Variants in LEKR1 observed in about 807,000 individuals in gnomAD.
LEKR1 encodes the protein protein LEKR1.
Under a neutral mutation model 72.4 loss-of-function variants are expected in LEKR1, and 59 were observed. The observed-to-expected ratio is 0.82, with a 90% CI of 0.66 to 1.01. The LOEUF is 1.01. Ranked by LOEUF, LEKR1 falls within the 50% of genes least tolerant of loss-of-function variation. The pLI, the probability that LEKR1 is intolerant of heterozygous loss-of-function variation, is 0.00. For missense variants in LEKR1, 728 were observed against 759.2 expected, an observed-to-expected ratio of 0.96 and a Z score of 0.48; for synonymous variants, 257 against 263.2, an observed-to-expected ratio of 0.98 and a Z score of 0.23.
At chr3:156,946,006 T>C (rs1043123174) in intron 6 of LEKR1, among the ~76,000 whole-genome samples, 8 of 151,818 alleles carry the variant, frequency 5.3e-5, no homozygotes, top group Non-Finnish European at 1.0e-4. Flanking sequence ...GGTATTTTGA[T>C]AGTGATTGCA....
chr3:157,025,001 C>G, intron 11 of LEKR1, 77 bp downstream of exon 11: 1 of 953,200 alleles, frequency 1.0e-6, no homozygotes, highest in South Asian at 1.7e-5. Context: ...TAGAACACTA[C>G]AGTATTTATA....
At chr3:156,873,804 C>G (rs1718244249) in intron 3 of LEKR1, among the ~76,000 whole-genome samples, 1 of 151,786 alleles carries the variant, frequency 6.6e-6, no homozygotes, top group African/African-American at 2.4e-5. Context: ...TTTTTTCTTT[C>G]AGTACTTTTA....
chr3:156,972,127 A>G (rs551258180), intron 6 of LEKR1, among the ~76,000 whole-genome samples: 16 of 152,258 alleles, frequency 1.1e-4, no homozygotes, highest in East Asian at 7.7e-4. Context: ...TTAAGAAAAT[A>G]TGGCACATAT....
chr3:156,967,957 G>A (rs1210776363), intron 6 of LEKR1, among the ~76,000 whole-genome samples: 1 of 152,174 alleles, frequency 6.6e-6, no homozygotes, highest in Non-Finnish European at 1.5e-5. Context: ...CAGAAGAGAG[G>A]CGGGGCCAAT....
intron 3 of LEKR1, among the ~76,000 whole-genome samples, chr3:156,898,681 C>T (rs1432054266): frequency 1.3e-5 from 2 of 152,110 alleles, no homozygotes; most frequent in East Asian, 1.9e-4. Context: ...AAACCCAAAA[C>T]TATTATTTCC....
chr3:156,999,789 G>T (rs1287701583), intron 9 of LEKR1, among the ~76,000 whole-genome samples: 1 of 152,156 alleles, frequency 6.6e-6, no homozygotes, highest in Non-Finnish European at 1.5e-5. Context: ...CAGAGCTGTG[G>T]CCTGCCACAC....
At chr3:156,886,998 A>G (rs1720170054) in intron 3 of LEKR1, among the ~76,000 whole-genome samples, 1 of 152,176 alleles carries the variant, frequency 6.6e-6, no homozygotes, top group South Asian at 2.1e-4. Flanking sequence ...TGTGGGAGCT[A>G]CACATTAGCT....
chr3:156,910,639 C>G (rs540019293), intron 3 of LEKR1, among the ~76,000 whole-genome samples: 23 of 152,306 alleles, frequency 1.5e-4, no homozygotes, highest in African/African-American at 5.3e-4. Flanking sequence ...TGGACTCCAG[C>G]TGCATCCATG....
chr3:157,028,707 T>C (rs1244256132), intron 12 of LEKR1, among the ~76,000 whole-genome samples: 1 of 152,240 alleles, frequency 6.6e-6, no homozygotes, highest in Non-Finnish European at 1.5e-5. Context: ...GGAATCTTTA[T>C]ATGTTTATGT....
At position 156,907,409 on chromosome 3, in the gene LEKR1, A is replaced by C. The variant is rs920696805; in HGVS notation, c.264-13166A>C. 3.9e-5 allele frequency among the ~76,000 whole-genome samples: 6 copies of C among 152,054 alleles called. 1 individual carries two copies. The highest frequency in any genetic ancestry group is 3.3e-4 in the Admixed American group (5 of 15,256). On this transcript the variant is annotated intron_variant, in intron 3 of 12. Transcript: ENST00000356539. ...ATGCTAGGACATACAAGTCTACTTTATTATATTTTTATTTTTTGTATACTA... is the reference window on the plus strand; with the variant it reads ...ATGCTAGGACATACAAGTCTACTTTCTTATATTTTTATTTTTTGTATACTA...
In LEKR1 at chr3:157,011,515, A is replaced by G; in HGVS notation, c.1203+9A>G. 1 of 1,592,464 alleles carries G rather than the reference A, an allele frequency of 6.3e-7. No homozygotes were observed. Among genetic ancestry groups the G allele is most frequent in the Non-Finnish European group, 8.6e-7 (1 of 1,160,518 alleles). On this transcript the variant is annotated intron_variant, in intron 10 of 12. Transcript: ENST00000356539. ...ATAACTGGAAGGAGAAGGTAATGGT[A>G]GTGTGGCTTTCATCAGCATGCAACC...
intron 10 of LEKR1, 103 bp from the exon 11 acceptor site, chr3:157,024,657 A>T: frequency 1.1e-6 from 1 of 898,260 alleles, no homozygotes; most frequent in Non-Finnish European, 1.7e-6. Context: ...TTAATTAAAA[A>T]TTTAATGTCA....
chr3:156,890,065 T>G (rs1390497281), intron 3 of LEKR1, among the ~76,000 whole-genome samples: 3 of 152,178 alleles, frequency 2.0e-5, no homozygotes, highest in Non-Finnish European at 4.4e-5. Flanking sequence ...ATAGCAAAAT[T>G]GTGATGTTTA....
At chr3:156,969,866 A>G (rs1729000506) in intron 6 of LEKR1, among the ~76,000 whole-genome samples, 1 of 152,218 alleles carries the variant, frequency 6.6e-6, no homozygotes, top group African/African-American at 2.4e-5. Context: ...CAATGCAAAA[A>G]TCCTCAGTAA....
At chr3:156,914,572 A>G (rs1723421719) in intron 3 of LEKR1, among the ~76,000 whole-genome samples, 1 of 152,150 alleles carries the variant, frequency 6.6e-6, no homozygotes. Flanking sequence ...ATTGATGGGC[A>G]TTTGGGTTGG....
intron 3 of LEKR1, among the ~76,000 whole-genome samples, chr3:156,876,792 A>C (rs1205356434): frequency 6.6e-6 from 1 of 152,040 alleles, no homozygotes; most frequent in Admixed American, 6.5e-5. Flanking sequence ...CTTCCCCTTT[A>C]CCAATTTGGA....
intron 5 of LEKR1, among the ~76,000 whole-genome samples, chr3:156,931,617 G>A (rs1725232878): frequency 6.6e-6 from 1 of 152,262 alleles, no homozygotes; most frequent in South Asian, 2.1e-4. Context: ...TACATCAGTA[G>A]TAGAATGGGT....
intron 9 of LEKR1, among the ~76,000 whole-genome samples, chr3:157,002,473 T>C (rs939731773): frequency 6.6e-5 from 10 of 152,196 alleles, no homozygotes; most frequent in African/African-American, 1.9e-4. Flanking sequence ...GATTATCTTT[T>C]TCACACATAT....
intron 6 of LEKR1, among the ~76,000 whole-genome samples, chr3:156,954,440 C>T (rs1382470853): frequency 2.0e-5 from 3 of 151,962 alleles, no homozygotes; most frequent in Admixed American, 6.6e-5. Flanking sequence ...CCTGTACCTA[C>T]GTCCTGAATG....
Sources: allele counts gnomAD v4.1 joint callset (sites outside exome capture counted in the v4.1 genomes callset), GRCh38; gene constraint gnomAD v4.1.1; transcripts MANE v1.5; gene names NCBI Gene and HGNC (gene_info 2026-07-23, HGNC 2026-07-21).